TCAIM: variants seen among roughly 807,000 people sequenced by gnomAD.
TCAIM encodes the protein T-cell activation inhibitor, mitochondrial.
Under a neutral mutation model 58.6 loss-of-function variants are expected in TCAIM, and 36 were observed. That is an observed-to-expected ratio of 0.61 (90% CI 0.47 to 0.81). The LOEUF (loss-of-function observed/expected upper bound fraction) is 0.81. Among genes scored for constraint, TCAIM ranks in the 30% least tolerant of loss-of-function variants. TCAIM has a pLI of 0.00. For synonymous variants in TCAIM, 172 were observed against 193.6 expected (o/e 0.89, Z 0.93); for missense variants, 466 against 579.6 (o/e 0.80, Z 2.01).
intron 1 of TCAIM, among the ~76,000 whole-genome samples, chr3:44,346,683 C>T (rs548434059): frequency 8.5e-4 from 130 of 152,246 alleles, no homozygotes; most frequent in Admixed American, 2.6e-4. Context: ...GTGAGTTGAG[C>T]ATAGTTTGTG....
At chr3:44,380,365 A>G (rs930147943) in intron 5 of TCAIM, among the ~76,000 whole-genome samples, 1 of 152,182 alleles carries the variant, frequency 6.6e-6, no homozygotes, top group Non-Finnish European at 1.5e-5. Context: ...TGAATATTAC[A>G]TTACTGAATG....
rs114746492 is a variant in TCAIM, at chr3:44,404,011, C to G, written c.1250+2677C>G. Among the ~76,000 whole-genome samples, 1,468 of 152,270 alleles carry G rather than the reference C, an allele frequency of 9.6e-3. 10 individuals carry two copies. The highest frequency in any genetic ancestry group is 0.02 in the Middle Eastern group (6 of 294). On this transcript the variant is annotated intron_variant, in intron 10 of 10. Coordinates refer to ENST00000342649, the MANE Select transcript of TCAIM (RefSeq NM_173826.4). ...CCTCTGCCCACTCCCTTGCTTCTCT[C>G]AGCTCAGCTCCTGGGACTCTCCTCT...
chr3:44,360,459 C>G (rs1278240679), intron 3 of TCAIM, among the ~76,000 whole-genome samples: 1 of 151,616 alleles, frequency 6.6e-6, no homozygotes, highest in Admixed American at 6.6e-5. Context: ...AAAAAATCCT[C>G]TTTAATTTAA....
intron 1 of TCAIM, among the ~76,000 whole-genome samples, chr3:44,350,580 A>C (rs1701067503): frequency 6.6e-6 from 1 of 151,918 alleles, no homozygotes; most frequent in African/African-American, 2.4e-5. Context: ...ACAGACAAAC[A>C]ACACTACCCA....
chr3:44,352,061 A>T (rs1286622184), intron 1 of TCAIM, among the ~76,000 whole-genome samples: 1 of 148,736 alleles, frequency 6.7e-6, no homozygotes, highest in Non-Finnish European at 1.5e-5. Flanking sequence ...TATGTATTAT[A>T]TATAAAGTCA....
chr3:44,383,280 G>A (rs948690911), intron 5 of TCAIM, among the ~76,000 whole-genome samples: 7 of 152,176 alleles, frequency 4.6e-5, no homozygotes, highest in African/African-American at 1.7e-4. Flanking sequence ...ATTCACAATA[G>A]CCAAAAGGTG....
intron 10 of TCAIM, among the ~76,000 whole-genome samples, chr3:44,402,370 T>G (rs563991163): frequency 1.3e-5 from 2 of 152,278 alleles, no homozygotes; most frequent in South Asian, 2.1e-4. Context: ...TGATCACACC[T>G]CTGTACTCCA....
At chr3:44,344,813 G>A (rs10865934) in intron 1 of TCAIM, among the ~76,000 whole-genome samples, 133,378 of 151,882 alleles carry the variant, frequency 0.88, 58,677 homozygotes, top group Middle Eastern at 0.94. Context: ...TAGTGGGGAA[G>A]ATTACAGTCA....
At chr3:44,355,081 A>G (rs773385384) in intron 2 of TCAIM, among the ~76,000 whole-genome samples, 3 of 152,166 alleles carry the variant, frequency 2.0e-5, no homozygotes, top group Non-Finnish European at 2.9e-5. Flanking sequence ...AACACAATTC[A>G]CTTTATGGTA....
chr3:44,348,600 T>C lies in TCAIM; in HGVS notation c.-44-6139T>C, dbSNP rs142481776. On this transcript the variant is annotated intron_variant, in intron 1 of 10. Transcript: ENST00000342649. ...TTCTCTCACAGCAGAGGCAAGTAAT[T>C]GCAACTCTTCTCTATTATTGTACAC... 5.0e-4 allele frequency among the ~76,000 whole-genome samples: 76 copies of C among 152,116 alleles called. No homozygotes were observed. The East Asian group carries it at 0.012, about 24-fold the overall frequency.
chr3:44,363,920 C>CTTTTTT lies in TCAIM; in HGVS notation c.319+2424_319+2429dup, dbSNP rs56361211. On this transcript the variant is annotated intron_variant, in intron 4 of 10. Coordinates refer to ENST00000342649, the MANE Select transcript of TCAIM (RefSeq NM_173826.4). ...CAACTGGACAACACAGCAAGTCTGTCTTTTTTTTTTTTTTTTTTTTTTTTT... is the reference window on the plus strand; with the variant it reads ...CAACTGGACAACACAGCAAGTCTGTCTTTTTTTTTTTTTTTTTTTTTTTTTTTTTTT... 4.5e-4 allele frequency among the ~76,000 whole-genome samples: 30 copies of CTTTTTT among 67,414 alleles called. 2 individuals carry two copies. The highest frequency in any genetic ancestry group is 1.1e-3 in the Admixed American group (5 of 4,476). 44.2% of individuals were successfully genotyped at this position (67,414 alleles called of 152,430 possible).
At chr3:44,396,905 T>C (rs1438243640) in intron 8 of TCAIM, 71 bp downstream of exon 8, 1 of 1,423,848 alleles carries the variant, frequency 7.0e-7, no homozygotes, top group Non-Finnish European at 9.7e-7. Context: ...TGCTGTAATG[T>C]TAAGGGACTA....
chr3:44,347,002 A>G (rs1049656465), intron 1 of TCAIM, among the ~76,000 whole-genome samples: 29 of 152,268 alleles, frequency 1.9e-4, no homozygotes, highest in African/African-American at 6.0e-4. Context: ...AGTTTATATA[A>G]TGGTTTAGTC....
At chr3:44,375,576 A>G (rs1701552178) in intron 5 of TCAIM, among the ~76,000 whole-genome samples, 1 of 152,206 alleles carries the variant, frequency 6.6e-6, no homozygotes, top group Admixed American at 6.5e-5. Context: ...AACATTGGGG[A>G]TTAAATTTCA....
intron 5 of TCAIM, among the ~76,000 whole-genome samples, chr3:44,384,517 T>C (rs1330723732): frequency 1.3e-5 from 2 of 152,216 alleles, no homozygotes; most frequent in Non-Finnish European, 2.9e-5. Flanking sequence ...TAAATTATTA[T>C]ACAAACAGGC....
At chr3:44,375,684 A>G (rs571770947) in intron 5 of TCAIM, among the ~76,000 whole-genome samples, 5 of 152,348 alleles carry the variant, frequency 3.3e-5, no homozygotes, top group Admixed American at 1.3e-4. Flanking sequence ...TATGATGGCT[A>G]TATTCTAAAA....
At chr3:44,401,139 A>C in intron 9 of TCAIM, 64 bp from the exon 10 acceptor site, 21 of 1,565,210 alleles carry the variant, frequency 1.3e-5, no homozygotes, top group Non-Finnish European at 1.7e-5. Context: ...CTAATAAAAT[A>C]TTTTCTCTGG....
intron 1 of TCAIM, among the ~76,000 whole-genome samples, chr3:44,345,496 T>C (rs1283426942): frequency 1.3e-5 from 2 of 152,290 alleles, no homozygotes; most frequent in South Asian, 2.1e-4. Context: ...TTGATTTAGG[T>C]AAAAACAACA....
intron 5 of TCAIM, among the ~76,000 whole-genome samples, chr3:44,368,154 T>C (rs73090435): frequency 0.18 from 27,947 of 152,234 alleles, 2,794 homozygotes; most frequent in Middle Eastern, 0.29. Flanking sequence ...GAAAAATACA[T>C]GGTGACCAAA....
Sources: allele counts gnomAD v4.1 joint callset (sites outside exome capture counted in the v4.1 genomes callset), GRCh38; gene constraint gnomAD v4.1.1; transcripts MANE v1.5; gene names NCBI Gene and HGNC (gene_info 2026-07-23, HGNC 2026-07-21).